The following TBC1D5 variants were observed in gnomAD, a reference collection of about 807,000 sequenced individuals.
The protein encoded by TBC1D5 is TBC1 domain family member 5.
A neutral mutation model predicts 100.3 loss-of-function variants in TBC1D5; 75 were observed. That is an observed-to-expected ratio of 0.75 (90% CI 0.62 to 0.91). The LOEUF (loss-of-function observed/expected upper bound fraction) is 0.91, where lower values mean the gene tolerates loss of function less well. TBC1D5 is among the 40% of genes least tolerant of loss of function. TBC1D5 has a pLI of 0.00. For missense variants in TBC1D5, 910 were observed against 942.4 expected, an observed-to-expected ratio of 0.97 and a Z score of 0.45; for synonymous variants, 323 against 325.6, an observed-to-expected ratio of 0.99 and a Z score of 0.09.
intron 1 of TBC1D5, among the ~76,000 whole-genome samples, chr3:17,704,248 A>C (rs1280100738): frequency 1.4e-5 from 2 of 140,866 alleles, no homozygotes; most frequent in East Asian, 2.2e-4. Flanking sequence ...GTAAGGTCAC[A>C]GATCAACAGG....
intron 17 of TBC1D5, among the ~76,000 whole-genome samples, chr3:17,219,476 G>C (rs1046637152): frequency 7.9e-6 from 1 of 126,794 alleles, no homozygotes; most frequent in Admixed American, 7.7e-5. Flanking sequence ...ATACTTTCCT[G>C]TGGTTTTTTT....
intron 17 of TBC1D5, among the ~76,000 whole-genome samples, chr3:17,228,691 CTTT>C (rs34658453): frequency 7.0e-6 from 1 of 143,876 alleles, no homozygotes; most frequent in Non-Finnish European, 1.5e-5. Context: ...GAGAAGTTAT[CTTT>C]TTTTTTTTTT....
chr3:17,423,849 T>C (rs1054709279), intron 4 of TBC1D5, among the ~76,000 whole-genome samples: 3 of 152,152 alleles, frequency 2.0e-5, no homozygotes, highest in Non-Finnish European at 2.9e-5. Flanking sequence ...TAAGATGAGG[T>C]ACAAAAATTA....
chr3:17,545,384 C>T (rs988172853), intron 2 of TBC1D5, among the ~76,000 whole-genome samples: 1 of 152,224 alleles, frequency 6.6e-6, no homozygotes, highest in Non-Finnish European at 1.5e-5. Flanking sequence ...CACCTGATCT[C>T]AGACTTACAG....
At chr3:17,376,044 T>G (rs1400982311) in intron 10 of TBC1D5, among the ~76,000 whole-genome samples, 1 of 152,158 alleles carries the variant, frequency 6.6e-6, no homozygotes, top group East Asian at 1.9e-4. Flanking sequence ...AAAGAATAAA[T>G]GAATATATCT....
intron 17 of TBC1D5, among the ~76,000 whole-genome samples, chr3:17,220,043 G>A (rs1040212433): frequency 6.6e-6 from 1 of 152,032 alleles, no homozygotes; most frequent in Non-Finnish European, 1.5e-5. Context: ...AAAAATTTCT[G>A]TTAACACTCT....
chr3:17,639,185 C>T (rs1476542387), intron 1 of TBC1D5, among the ~76,000 whole-genome samples: 3 of 151,926 alleles, frequency 2.0e-5, no homozygotes, highest in Non-Finnish European at 2.9e-5. Context: ...GTAATATTCA[C>T]CAATAAAAAC....
chr3:17,398,898 A>G (rs1184450579), intron 8 of TBC1D5, among the ~76,000 whole-genome samples: 1 of 152,156 alleles, frequency 6.6e-6, no homozygotes, highest in Admixed American at 6.6e-5. Context: ...ACAAAATTAA[A>G]TAATATTAAA....
At chr3:17,200,230 G>A (rs578251159) in intron 18 of TBC1D5, among the ~76,000 whole-genome samples, 68 of 152,312 alleles carry the variant, frequency 4.5e-4, no homozygotes, top group Middle Eastern at 3.4e-3. Context: ...ATATTGACTG[G>A]AAATGATAAG....
chr3:17,477,561 T>C (rs6788763), intron 3 of TBC1D5, among the ~76,000 whole-genome samples: 63,238 of 151,792 alleles, frequency 0.42, 13,885 homozygotes, highest in Middle Eastern at 0.48. Context: ...TCTCTTCTTT[T>C]ATATTTTAAA....
At position 17,648,905 on chromosome 3, in the gene TBC1D5, G is replaced by A. The variant is rs534096098; in HGVS notation, c.-100-24992C>T. On this transcript the variant is annotated intron_variant, in intron 1 of 21. Transcript: ENST00000253692. ...GAATGTACATTAGTTCAACCATCATGGAAAGCAATATCGTGATTCCTCACA... is the reference window on the plus strand; with the variant it reads ...GAATGTACATTAGTTCAACCATCATAGAAAGCAATATCGTGATTCCTCACA... 5.9e-5 allele frequency among the ~76,000 whole-genome samples: 9 copies of A among 152,278 alleles called. No homozygotes were observed. The East Asian group carries it at 1.7e-3, about 29-fold the overall frequency.
At chr3:17,560,913 T>C (rs546623366) in intron 2 of TBC1D5, among the ~76,000 whole-genome samples, 50 of 148,458 alleles carry the variant, frequency 3.4e-4, no homozygotes, top group Non-Finnish European at 6.7e-4. Flanking sequence ...AGAGCAAGAC[T>C]CCATCTCAAA....
chr3:17,705,023 C>T (rs2073854035), intron 1 of TBC1D5, among the ~76,000 whole-genome samples: 1 of 136,248 alleles, frequency 7.3e-6, no homozygotes, highest in Non-Finnish European at 1.6e-5. Context: ...ACCTCCCTCC[C>T]GGACGGGGCG....
intron 18 of TBC1D5, among the ~76,000 whole-genome samples, chr3:17,195,342 C>T (rs2070510575): frequency 6.6e-6 from 1 of 152,186 alleles, no homozygotes; most frequent in Admixed American, 6.5e-5. Flanking sequence ...AGGGTTTTCC[C>T]CCTCCCCACT....
intron 14 of TBC1D5, among the ~76,000 whole-genome samples, chr3:17,300,995 C>T (rs1437486780): frequency 0.012 from 4 of 344 alleles, no homozygotes; most frequent in Admixed American, 0.024. Context: ...CACTTGAACC[C>T]GGGAGGTGGA....
chr3:17,583,616 A>T lies in TBC1D5; in HGVS notation c.-36+40233T>A, dbSNP rs141749056. ...GTGGCATGCATCTGTAGTCCCAGCT[A>T]CTCAGGGGGCTGAGGCAAGAGAATC... On this transcript the variant is annotated intron_variant, in intron 2 of 21. Coordinates refer to ENST00000253692, the Ensembl canonical transcript of TBC1D5. Among the ~76,000 whole-genome samples the T allele has an allele frequency of 4.2e-3, 644 of 152,236 alleles. 4 individuals carry two copies. Among genetic ancestry groups the T allele is most frequent in the African/African-American group, 0.014 (580 of 41,544 alleles).
At chr3:17,324,487 C>A (rs1223125689) in intron 13 of TBC1D5, among the ~76,000 whole-genome samples, 1 of 151,854 alleles carries the variant, frequency 6.6e-6, no homozygotes, top group Non-Finnish European at 1.5e-5. Context: ...ACTAAAAATA[C>A]AAAAAAATTA....
At chr3:17,277,471 C>T (rs958512763) in intron 15 of TBC1D5, among the ~76,000 whole-genome samples, 4 of 152,128 alleles carry the variant, frequency 2.6e-5, no homozygotes, top group African/African-American at 4.8e-5. Flanking sequence ...CCATCAATCT[C>T]GTTGGGCTTT....
intron 15 of TBC1D5, among the ~76,000 whole-genome samples, chr3:17,287,710 A>G (rs1389545925): frequency 1.3e-5 from 2 of 152,228 alleles, no homozygotes; most frequent in Non-Finnish European, 1.5e-5. Context: ...ATCTATTCAA[A>G]TAAGAAATCT....
Sources: allele counts gnomAD v4.1 joint callset (sites outside exome capture counted in the v4.1 genomes callset), GRCh38; gene constraint gnomAD v4.1.1; transcripts MANE v1.5; gene names NCBI Gene and HGNC (gene_info 2026-07-23, HGNC 2026-07-21).